GRM8: variants seen among roughly 807,000 people sequenced by gnomAD.
GRM8 encodes the protein metabotropic glutamate receptor 8.
A neutral mutation model predicts 87.2 loss-of-function variants in GRM8; 47 were observed. That is an observed-to-expected ratio of 0.54 (90% confidence interval 0.43 to 0.69). The LOEUF (loss-of-function observed/expected upper bound fraction) is 0.69. GRM8 is among the 30% of genes least tolerant of loss of function. GRM8 has a pLI of 0.00. For synonymous variants in GRM8, 396 were observed against 404.5 expected, an observed-to-expected ratio of 0.98 and a Z score of 0.25; for missense variants, 1,019 against 1,139.2, an observed-to-expected ratio of 0.89 and a Z score of 1.52.
intron 2 of GRM8, among the ~76,000 whole-genome samples, chr7:127,145,217 C>A (rs1828490198): frequency 1.3e-5 from 2 of 152,106 alleles, no homozygotes; most frequent in Admixed American, 1.3e-4. Context: ...TCTCTTCTTG[C>A]AAACATGGTA....
chr7:126,717,081 T>C (rs1377803917), intron 7 of GRM8, among the ~76,000 whole-genome samples: 3 of 152,146 alleles, frequency 2.0e-5, no homozygotes, highest in Non-Finnish European at 4.4e-5. Context: ...ATTATGAAAA[T>C]GACTTGGGAC....
At chr7:126,525,902 C>T (rs1245791671) in intron 9 of GRM8, among the ~76,000 whole-genome samples, 2 of 152,094 alleles carry the variant, frequency 1.3e-5, no homozygotes, top group Admixed American at 6.6e-5. Flanking sequence ...TTACATATTT[C>T]TTTTAATTAT....
intron 3 of GRM8, among the ~76,000 whole-genome samples, chr7:126,922,542 G>C (rs1281002714): frequency 6.6e-6 from 1 of 152,172 alleles, no homozygotes; most frequent in Non-Finnish European, 1.5e-5. Context: ...AAAAGCACGG[G>C]GAGGGCAGTG....
intron 2 of GRM8, among the ~76,000 whole-genome samples, chr7:127,234,555 C>T (rs1797876548): frequency 6.6e-6 from 1 of 152,224 alleles, no homozygotes; most frequent in Admixed American, 6.5e-5. Context: ...GTTTTGCACA[C>T]TTTGACTTGC....
chr7:127,155,563 A>C (rs11563701), intron 2 of GRM8, among the ~76,000 whole-genome samples: 39,190 of 152,046 alleles, frequency 0.26, 6,209 homozygotes, highest in African/African-American at 0.45. Context: ...TGAGTTACCA[A>C]GTGGACTGAG....
intron 6 of GRM8, among the ~76,000 whole-genome samples, chr7:126,801,122 C>T (rs1050921265): frequency 1.3e-5 from 2 of 152,058 alleles, no homozygotes; most frequent in African/African-American, 4.8e-5. Flanking sequence ...TCCCTTGTAT[C>T]AAACAAATAC....
chr7:126,994,603 A>T lies in GRM8; in HGVS notation c.728-89920T>A, dbSNP rs138085558. On this transcript the variant is annotated intron_variant, in intron 3 of 10. Transcript: ENST00000339582. The stretch of plus-strand genomic sequence containing the variant: ...AAGTGAATCTTAGTGGTGGCCTGGA[A>T]AAACTCCCTATGGGCTAGTGGTGGT... Among the ~76,000 whole-genome samples the T allele has an allele frequency of 8.5e-5, 13 of 152,292 alleles. No homozygotes were observed. The East Asian group carries it at 2.3e-3, about 27-fold the overall frequency.
rs148435375 is a variant in GRM8 at position 126,610,965 on chromosome 7, T to C, written c.1358-1467A>G. On this transcript the variant is annotated intron_variant, in intron 7 of 10. Coordinates refer to ENST00000339582, the MANE Select transcript of GRM8 (RefSeq NM_000845.3). ...ATGTCCAGGCTCACTCCATTCCCCATTGATTTCCACAACTTGTGTATGTCC... is the reference window on the plus strand; with the variant it reads ...ATGTCCAGGCTCACTCCATTCCCCACTGATTTCCACAACTTGTGTATGTCC... Among the ~76,000 whole-genome samples the C allele has an allele frequency of 1.0e-3, 157 of 152,316 alleles. 2 individuals are homozygous for C. The Middle Eastern group carries it at 0.014, about 13-fold the overall frequency.
At chr7:126,800,862 C>G (rs1822595015) in intron 6 of GRM8, among the ~76,000 whole-genome samples, 1 of 151,876 alleles carries the variant, frequency 6.6e-6, no homozygotes, top group Non-Finnish European at 1.5e-5. Context: ...AAATATAAAA[C>G]TTGTAAAATA....
At chr7:126,645,297 T>A (rs921971325) in intron 7 of GRM8, among the ~76,000 whole-genome samples, 12 of 152,154 alleles carry the variant, frequency 7.9e-5, no homozygotes, top group Non-Finnish European at 1.6e-4. Flanking sequence ...ATAGATAACA[T>A]CATTATTGTA....
At chr7:126,717,801 CAAAA>C (rs1420016367) in intron 7 of GRM8, among the ~76,000 whole-genome samples, 6 of 152,020 alleles carry the variant, frequency 3.9e-5, no homozygotes, top group Admixed American at 3.9e-4. Flanking sequence ...ATTTTATGGA[CAAAA>C]AATCATTTAC....
At position 126,574,781 on chromosome 7, in the gene GRM8, AT is replaced by A. The variant is rs983270735; in HGVS notation, c.1494+34580del. ...TTTTTTTAGAAACAGGCTCCTTTTA[AT>A]TTTTTTTAGACTGTTTTGCAGACTG... On this transcript the variant is annotated intron_variant, in intron 8 of 10. Coordinates refer to ENST00000339582, the MANE Select transcript of GRM8 (RefSeq NM_000845.3). Among the ~76,000 whole-genome samples the A allele has an allele frequency of 3.3e-5, 5 of 151,954 alleles. No individual in the cohort carries two copies. In the East Asian group the frequency reaches 7.7e-4, roughly 24 times the overall value.
intron 3 of GRM8, among the ~76,000 whole-genome samples, chr7:127,029,522 T>C (rs1268838518): frequency 6.6e-6 from 1 of 152,212 alleles, no homozygotes. Flanking sequence ...TGCTCCTGTA[T>C]TGGGTGCATA....
chr7:126,439,257 C>A, intron 10 of GRM8, 89 bp from the exon 11 acceptor site: 1 of 793,476 alleles, frequency 1.3e-6, no homozygotes. Flanking sequence ...CCTGTAATGA[C>A]TTTTTAATAA....
chr7:126,963,168 G>C (rs1355284706), intron 3 of GRM8, among the ~76,000 whole-genome samples: 1 of 152,012 alleles, frequency 6.6e-6, no homozygotes, highest in African/African-American at 2.4e-5. Flanking sequence ...CAAAAATAAG[G>C]CTCTCTATAT....
At chr7:127,147,985 A>G (rs188498562) in intron 2 of GRM8, among the ~76,000 whole-genome samples, 88 of 152,184 alleles carry the variant, frequency 5.8e-4, no homozygotes, top group Non-Finnish European at 1.1e-3. Context: ...CTTGCCATTG[A>G]ACCAGCATCA....
intron 2 of GRM8, among the ~76,000 whole-genome samples, chr7:127,205,708 T>C (rs944066638): frequency 2.0e-5 from 3 of 152,176 alleles, no homozygotes; most frequent in African/African-American, 7.2e-5. Context: ...CCCCACCTGC[T>C]AATATTACAG....
chr7:127,119,245 T>C (rs1472373656), intron 2 of GRM8, among the ~76,000 whole-genome samples: 1 of 152,054 alleles, frequency 6.6e-6, no homozygotes. Flanking sequence ...TCCCAGCACT[T>C]TGGGAGGCCG....
intron 7 of GRM8, among the ~76,000 whole-genome samples, chr7:126,703,823 G>C (rs1192741146): frequency 1.3e-5 from 2 of 152,128 alleles, no homozygotes; most frequent in Non-Finnish European, 2.9e-5. Context: ...TGGCCCCCCA[G>C]CGTGCTGAGA....
Sources: gnomAD v4.1 joint callset for allele counts (sites outside exome capture counted in the v4.1 genomes callset) on GRCh38, gnomAD v4.1.1 for gene constraint, MANE v1.5 for transcripts, NCBI Gene and HGNC (gene_info 2026-07-23, HGNC 2026-07-21) for gene names.